The following FRAS1 variants were observed in gnomAD, a reference collection of about 807,000 sequenced individuals.
FRAS1 encodes Fraser extracellular matrix complex subunit 1.
FRAS1 carries 290 observed loss-of-function variants against 435.2 expected under a neutral mutation model. The ratio of observed to expected loss-of-function variants is 0.67; its 90% confidence interval spans 0.61 to 0.73. FRAS1 has a LOEUF of 0.73. Ranked by LOEUF, FRAS1 falls within the 30% of genes least tolerant of loss-of-function variation. FRAS1 has a pLI of 0.00. For synonymous variants in FRAS1, 1,800 were observed against 1,851.0 expected, an observed-to-expected ratio of 0.97 and a Z score of 0.71; for missense variants, 4,860 against 5,001.5, an observed-to-expected ratio of 0.97 and a Z score of 0.85.
intron 4 of FRAS1, among the ~76,000 whole-genome samples, chr4:78,250,106 A>T (rs969605968): frequency 2.0e-5 from 3 of 152,040 alleles, no homozygotes; most frequent in Non-Finnish European, 4.4e-5. Flanking sequence ...TATATAAATG[A>T]CTCATTAGAT....
chr4:78,371,091 G>GTTTTTTTT (rs369342938), intron 23 of FRAS1, among the ~76,000 whole-genome samples: 8 of 124,298 alleles, frequency 6.4e-5, no homozygotes, highest in African/African-American at 5.7e-5. Context: ...CTGTTTTTTT[G>GTTTTTTTT]TTTTTTTTTT....
intron 10 of FRAS1, among the ~76,000 whole-genome samples, chr4:78,280,934 T>C (rs540356645): frequency 1.3e-5 from 2 of 152,370 alleles, no homozygotes; most frequent in African/African-American, 4.8e-5. Context: ...CTTAAGAATT[T>C]AGGAGGTTTT....
intron 25 of FRAS1, among the ~76,000 whole-genome samples, chr4:78,375,256 CT>C (rs1220478360): frequency 6.6e-6 from 1 of 152,164 alleles, no homozygotes; most frequent in African/African-American, 2.4e-5. Flanking sequence ...AAATTGAGCC[CT>C]TCCTGTGTAC....
Position 78,464,581 on chromosome 4 carries a change from G to C in FRAS1, c.7027G>C (p.Glu2343Gln), listed in dbSNP as rs1719471136. 1 of 1,613,552 alleles carries C rather than the reference G, an allele frequency of 6.2e-7. No individual in the cohort carries two copies. Among genetic ancestry groups the C allele is most frequent in the African/African-American group, 1.3e-5 (1 of 74,912 alleles). ...FELKAVDADTEAESVTFTIVQ... is the reference protein window; with the variant it reads ...FELKAVDADTQAESVTFTIVQ... ...GCTTAAGGCGGTGGATGCTGACACA[G>C]AGGTAAGAGCACTTCTTCCCATGGG... The change falls in exon 49 of 74, where the codon GAG becomes CAG. Residue 2343 changes from glutamate (E) to glutamine (Q), a missense_variant and splice_region_variant. By Grantham distance (29) the Glu-to-Gln change is conservative (BLOSUM62 2). Transcript: ENST00000512123.
chr4:78,511,646 C>A lies in FRAS1; in HGVS notation c.10013+140C>A, dbSNP rs939761876. ...TGAATGCATCAGTAAAAGTTTAAAT[C>A]TGTGAAGGTCCCTCAAGCTCGGGCC... On this transcript the variant is annotated intron_variant, in intron 64 of 73. Coordinates refer to ENST00000512123, the MANE Select transcript of FRAS1 (RefSeq NM_025074.7). 5.3e-6 allele frequency: 4 copies of A among 752,394 alleles called. No homozygotes were observed. The African/African-American group carries it at 6.9e-5, about 13-fold the overall frequency. 46.6% of individuals were successfully genotyped at this position (752,394 alleles called of 1,614,324 possible).
rs1005204087 is a variant in FRAS1 at position 78,271,603 on chromosome 4, T to C, written c.981+4171T>C. Among the ~76,000 whole-genome samples the C allele has an allele frequency of 2.0e-5, 3 of 152,228 alleles. No homozygotes were observed. In the South Asian group the frequency reaches 6.2e-4, roughly 32 times the overall value. Reference sequence around the variant, plus strand: ...CCTTGTGATGGTTTGCTGAGAATGATGGTTTCCAGCTTCATCCATGTCCCT... The same window carrying C: ...CCTTGTGATGGTTTGCTGAGAATGACGGTTTCCAGCTTCATCCATGTCCCT... On this transcript the variant is annotated intron_variant, in intron 9 of 73. Coordinates refer to ENST00000512123, the MANE Select transcript of FRAS1 (RefSeq NM_025074.7).
chr4:78,328,523 A>G (rs139397587), intron 18 of FRAS1, among the ~76,000 whole-genome samples: 6 of 152,332 alleles, frequency 3.9e-5, no homozygotes, highest in African/African-American at 9.6e-5. Context: ...TTTCCTTTAC[A>G]TACTGTTTTA....
chr4:78,495,422 C>G (rs190797310), intron 59 of FRAS1, among the ~76,000 whole-genome samples: 1 of 152,238 alleles, frequency 6.6e-6, no homozygotes, highest in Non-Finnish European at 1.5e-5. Context: ...TTCCTCTGTT[C>G]ATCTTTACTA....
chr4:78,341,852 A>T (rs957363500), intron 20 of FRAS1, among the ~76,000 whole-genome samples: 7 of 152,154 alleles, frequency 4.6e-5, no homozygotes, highest in African/African-American at 1.7e-4. Flanking sequence ...TCTCTCCAGC[A>T]GGAGGTTAAA....
rs780066836 is a variant in FRAS1 at position 78,445,528 on chromosome 4, G to A, written c.5672G>A (p.Arg1891His). The change falls in exon 42 of 74, where the codon CGT (arginine) becomes CAT (histidine). Residue 1891 changes from arginine to histidine, a missense_variant. Coordinates refer to ENST00000512123, the MANE Select transcript of FRAS1 (RefSeq NM_025074.7). ...TCTCTTGATGTTGATGCAGGTGATC[G>A]TTTTGGCCCTGAAACTGCCAGTGAC... Reference protein sequence around the residue: ...GCIENTGTGDRFGPETASDLE... With the variant: ...GCIENTGTGDHFGPETASDLE... 91 of 1,570,388 alleles carry A rather than the reference G, an allele frequency of 5.8e-5. 1 individual carries two copies. The South Asian group carries it at 6.7e-4, about 12-fold the overall frequency.
At chr4:78,206,323 G>T (rs1282481820) in intron 2 of FRAS1, among the ~76,000 whole-genome samples, 1 of 152,108 alleles carries the variant, frequency 6.6e-6, no homozygotes, top group Non-Finnish European at 1.5e-5. Flanking sequence ...AAGGAATAGA[G>T]GGGGCCACTT....
chr4:78,538,775 A>C (rs1560431821), intron 72 of FRAS1, among the ~76,000 whole-genome samples: 1 of 152,124 alleles, frequency 6.6e-6, no homozygotes, highest in African/African-American at 2.4e-5. Context: ...TAACACAGTG[A>C]AACTCTGTCT....
rs1401471418 is a variant in FRAS1 at position 78,057,386 on chromosome 4, T to C, written c.-624T>C. ...CGCAGCCTGAGGCGGTGTGGTGCGG[T>C]GCGGCTGCAGGGCGGGCGAGTCCCC... On this transcript the variant is annotated 5_prime_UTR_variant, in exon 1 of 74. Transcript: ENST00000512123. This position sits in a 1 kb window ranked among gnomAD's most constrained non-coding sequence, Gnocchi z 4.2. 6.6e-6 allele frequency among the ~76,000 whole-genome samples: 1 copy of C among 152,114 alleles called. No individual in the cohort carries two copies. Among genetic ancestry groups the C allele is most frequent in the East Asian group, 1.9e-4 (1 of 5,164 alleles).
chr4:78,162,515 T>TG (rs1721184531), intron 2 of FRAS1, among the ~76,000 whole-genome samples: 1 of 152,240 alleles, frequency 6.6e-6, no homozygotes, highest in Admixed American at 6.5e-5. Context: ...CTGTTGTAAA[T>TG]GAAGATTGAG....
chr4:78,456,142 T>TTTTTTC (rs1553962174), intron 47 of FRAS1, among the ~76,000 whole-genome samples: 782 of 42,440 alleles, frequency 0.018, 10 homozygotes, highest in Non-Finnish European at 0.04. Context: ...ATGTCACTTT[T>TTTTTTC]TTTTTTTTTT....
chr4:78,073,219 G>C (rs1224549549), intron 2 of FRAS1, among the ~76,000 whole-genome samples: 1 of 152,118 alleles, frequency 6.6e-6, no homozygotes, highest in Admixed American at 6.6e-5. Flanking sequence ...GAATTTATAT[G>C]TTCTTAGAAT....
At chr4:78,512,083 A>G (rs1206413479) in intron 64 of FRAS1, among the ~76,000 whole-genome samples, 1 of 152,174 alleles carries the variant, frequency 6.6e-6, no homozygotes, top group Non-Finnish European at 1.5e-5. Context: ...ACTCCTAAAT[A>G]TCTACTGAAC....
intron 2 of FRAS1, among the ~76,000 whole-genome samples, chr4:78,174,698 G>A (rs1336339233): frequency 6.6e-6 from 1 of 152,182 alleles, no homozygotes; most frequent in Non-Finnish European, 1.5e-5. Context: ...TTGTCCTGGG[G>A]ATAAAATGAC....
At chr4:78,188,217 A>G (rs1326385961) in intron 2 of FRAS1, among the ~76,000 whole-genome samples, 2 of 152,168 alleles carry the variant, frequency 1.3e-5, no homozygotes, top group African/African-American at 4.8e-5. Flanking sequence ...GAGAAAAGGA[A>G]GGTGTCTTAT....
Sources: gnomAD v4.1 joint callset for allele counts (sites outside exome capture counted in the v4.1 genomes callset) on GRCh38, gnomAD v4.1.1 for gene constraint, Gnocchi (gnomAD v3.1) non-coding constraint, MANE v1.5 for transcripts, NCBI Gene and HGNC (gene_info 2026-07-23, HGNC 2026-07-21) for gene names.